CHD6: variants seen among roughly 807,000 people sequenced by gnomAD.
CHD6 encodes chromodomain helicase DNA binding protein 6.
A neutral mutation model predicts 276.9 loss-of-function variants in CHD6; 50 were observed. The ratio of observed to expected loss-of-function variants is 0.18; its 90% CI spans 0.14 to 0.23. CHD6 has a LOEUF of 0.23. Ranked by LOEUF, CHD6 falls within the 10% of genes least tolerant of loss-of-function variation. CHD6 has a pLI of 1.00. For missense variants in CHD6, 2,564 were observed against 3,365.8 expected, an observed-to-expected ratio of 0.76 and a Z score of 5.89; for synonymous variants, 1,173 against 1,229.3, an observed-to-expected ratio of 0.95 and a Z score of 0.96.
chr20:41,541,229 G>A (rs972121317), intron 2 of CHD6, among the ~76,000 whole-genome samples: 6 of 152,026 alleles, frequency 3.9e-5, no homozygotes, highest in Non-Finnish European at 5.9e-5. Context: ...GTCAGTCCCC[G>A]ACTCATAATG....
chr20:41,515,946 T>C (rs922925593), intron 3 of CHD6, among the ~76,000 whole-genome samples: 4 of 152,204 alleles, frequency 2.6e-5, no homozygotes, highest in African/African-American at 7.2e-5. Flanking sequence ...CATTAATGAA[T>C]GGCTATGATT....
In CHD6 at chr20:41,455,785, G is replaced by T; in HGVS notation, c.3009+15C>A. 6.6e-7 allele frequency: 1 copy of T among 1,510,602 alleles called. No homozygotes were observed. The highest frequency in any genetic ancestry group is 8.9e-7 in the Non-Finnish European group (1 of 1,127,382). 93.6% of individuals were successfully genotyped at this position (1,510,602 alleles called of 1,614,324 possible). The stretch of plus-strand genomic sequence containing the variant: ...CTCTCCCACCCCCAACAGCTCTGGA[G>T]AGAAGGCCCTGTACCTTGGCAAAAG... On this transcript the variant is annotated intron_variant, in intron 19 of 36. Transcript: ENST00000373233.
At chr20:41,542,566 G>A (rs796711992) in intron 2 of CHD6, among the ~76,000 whole-genome samples, 5 of 152,048 alleles carry the variant, frequency 3.3e-5, no homozygotes, top group African/African-American at 7.2e-5. Flanking sequence ...GGTGGCGGGC[G>A]CCTGTAGTCC....
At chr20:41,519,234 G>A (rs934486663) in intron 3 of CHD6, among the ~76,000 whole-genome samples, 2 of 152,194 alleles carry the variant, frequency 1.3e-5, no homozygotes, top group African/African-American at 4.8e-5. Context: ...AGTGAGCACA[G>A]ATCATGCCAC....
intron 17 of CHD6, among the ~76,000 whole-genome samples, chr20:41,467,487 A>G (rs1280465605): frequency 6.9e-6 from 1 of 145,540 alleles, no homozygotes; most frequent in Non-Finnish European, 1.5e-5. Context: ...AGTGCTCACA[A>G]TTTCTTCTTT....
In CHD6 at chr20:41,413,548, C is replaced by A. The variant is rs151218025; in HGVS notation, c.6940-33G>T. 42 of 1,436,208 alleles carry A rather than the reference C, an allele frequency of 2.9e-5. No homozygotes were observed. In the East Asian group the frequency reaches 9.2e-4, roughly 32 times the overall value. 89.0% of individuals were successfully genotyped at this position (1,436,208 alleles called of 1,614,324 possible). On this transcript the variant is annotated intron_variant, in intron 34 of 36. Coordinates refer to ENST00000373233, the MANE Select transcript of CHD6 (RefSeq NM_032221.5). The stretch of plus-strand genomic sequence containing the variant: ...AAGGAAAAACGAGTATGTATAATCA[C>A]GACACAATGAAAATTAGTTTCTAAA...
intron 1 of CHD6, among the ~76,000 whole-genome samples, chr20:41,598,810 G>A (rs756926643): frequency 2.6e-5 from 4 of 152,148 alleles, no homozygotes; most frequent in Admixed American, 2.6e-4. Flanking sequence ...CCAAGCAGAT[G>A]TATGGTGGTA....
Position 41,512,914 on chromosome 20 carries a change from T to G in CHD6, c.784A>C (p.Thr262Pro). The G allele has an allele frequency of 6.2e-7, 1 of 1,614,066 alleles. No individual in the cohort carries two copies. Among genetic ancestry groups the G allele is most frequent in the Non-Finnish European group, 8.5e-7 (1 of 1,179,958 alleles). Residue 262 changes from threonine (T) to proline (P), a missense_variant, in exon 5 of 37, where the codon ACA (threonine) becomes CCA (proline). This residue lies in a region of CHD6 where 457 missense variants were observed against 889.0 expected (regional missense o/e 0.51). Transcript: ENST00000373233. ...CGACCAGCTCCAAGAACAGCAATTG[T>G]TTCCCCATCATCATCCACCACTTTG... is the stretch of plus-strand genomic sequence containing the variant. ...DFKVVDDDGE[T>P]IAVLGAGRTS...
chr20:41,462,186 T>G (rs1304747183), intron 17 of CHD6, among the ~76,000 whole-genome samples: 21 of 152,232 alleles, frequency 1.4e-4, no homozygotes, highest in Admixed American at 1.4e-3. Context: ...GAGGTCATAC[T>G]GATATTTTTA....
At chr20:41,497,727 A>C in intron 7 of CHD6, 1 of 542,992 alleles carries the variant, frequency 1.8e-6, no homozygotes, top group Non-Finnish European at 3.3e-6. Flanking sequence ...GCTTCTAGAG[A>C]AACTGGCTGA....
chr20:41,457,094 C>T (rs1195078670), intron 18 of CHD6, among the ~76,000 whole-genome samples, 170 bp downstream of exon 18: 1 of 152,200 alleles, frequency 6.6e-6, no homozygotes, highest in Admixed American at 6.5e-5. Context: ...CCAGAAAACA[C>T]AGACACCTGA....
intron 1 of CHD6, among the ~76,000 whole-genome samples, chr20:41,594,084 T>A (rs888896543): frequency 6.6e-5 from 10 of 152,052 alleles, no homozygotes; most frequent in Admixed American, 3.9e-4. Flanking sequence ...AACACCTCAA[T>A]TCATCTCAAT....
At chr20:41,408,452 G>A (rs1323330215) in intron 36 of CHD6, among the ~76,000 whole-genome samples, 1 of 152,186 alleles carries the variant, frequency 6.6e-6, no homozygotes, top group Non-Finnish European at 1.5e-5. Context: ...GAGACAGTAG[G>A]ACTTGATGGG....
chr20:41,418,083 C>T (rs1163883036), intron 31 of CHD6, among the ~76,000 whole-genome samples: 1 of 152,196 alleles, frequency 6.6e-6, no homozygotes, highest in East Asian at 1.9e-4. Flanking sequence ...GGCTATTTCA[C>T]TTCTCAATGT....
chr20:41,459,861 C>T (rs1415072269), intron 17 of CHD6, among the ~76,000 whole-genome samples: 2 of 152,176 alleles, frequency 1.3e-5, no homozygotes, highest in African/African-American at 4.8e-5. Flanking sequence ...GCGGAAGCGA[C>T]TTTGGAACTG....
At chr20:41,415,033 G>A in intron 34 of CHD6, 153 bp downstream of exon 34, 2 of 1,451,936 alleles carry the variant, frequency 1.4e-6, no homozygotes, top group Non-Finnish European at 1.8e-6. Context: ...TAGTTCTACA[G>A]AAGATGGAGG....
chr20:41,541,143 G>T (rs1469942029), intron 2 of CHD6, among the ~76,000 whole-genome samples: 1 of 152,066 alleles, frequency 6.6e-6, no homozygotes, highest in African/African-American at 2.4e-5. Flanking sequence ...GACCAGAGTG[G>T]GGGCAGGAAC....
intron 28 of CHD6, 27 bp from the exon 29 acceptor site, chr20:41,425,421 AT>A (rs1464231707): frequency 6.3e-7 from 1 of 1,589,032 alleles, no homozygotes; most frequent in Non-Finnish European, 8.6e-7. Context: ...GGATATTAGT[AT>A]TTACAAACAG....
At chr20:41,571,192 AC>A (rs939631493) in intron 1 of CHD6, among the ~76,000 whole-genome samples, 43 of 152,270 alleles carry the variant, frequency 2.8e-4, no homozygotes, top group African/African-American at 9.9e-4. Flanking sequence ...AGCAAAGACA[AC>A]GCTTACAGAA....
Sources: allele counts gnomAD v4.1 joint callset (sites outside exome capture counted in the v4.1 genomes callset), GRCh38; gene constraint gnomAD v4.1.1; regional missense constraint gnomAD v4.1.1; transcripts MANE v1.5; gene names NCBI Gene and HGNC (gene_info 2026-07-23, HGNC 2026-07-21).